The following CLMP variants were observed in gnomAD, a reference collection of about 807,000 sequenced individuals.
CLMP encodes the protein CXADR-like membrane protein.
In CLMP, 27 loss-of-function variants were observed where a neutral mutation model predicts 45.2. That is an observed-to-expected ratio of 0.60 (90% confidence interval 0.44 to 0.82). CLMP has a LOEUF of 0.82. CLMP is among the 40% of genes least tolerant of loss of function. The probability of loss-of-function intolerance (pLI) is 0.00; values close to 1 mark genes in which losing one functional copy is unlikely to be tolerated. For synonymous variants in CLMP, 167 were observed against 171.4 expected (o/e 0.97, Z 0.20); for missense variants, 403 against 448.4 (o/e 0.90, Z 0.91).
intron 1 of CLMP, among the ~76,000 whole-genome samples, chr11:123,177,329 GA>G (rs1396126126): frequency 6.6e-6 from 1 of 152,164 alleles, no homozygotes; most frequent in Admixed American, 6.5e-5. Flanking sequence ...GGAGGGTGGG[GA>G]GTGGACATTG....
At chr11:123,174,679 G>A (rs1393954661) in intron 1 of CLMP, among the ~76,000 whole-genome samples, 1 of 152,198 alleles carries the variant, frequency 6.6e-6, no homozygotes, top group Non-Finnish European at 1.5e-5. Context: ...CTTCTGTCTA[G>A]AGGTGGCAAC....
At chr11:123,150,863 C>T (rs1243038658) in intron 1 of CLMP, among the ~76,000 whole-genome samples, 1 of 152,150 alleles carries the variant, frequency 6.6e-6, no homozygotes, top group African/African-American at 2.4e-5. Context: ...ATTACAGGCA[C>T]ATGCCACCAC....
At chr11:123,087,779 C>A (rs1328485060) in intron 2 of CLMP, among the ~76,000 whole-genome samples, 2 of 151,998 alleles carry the variant, frequency 1.3e-5, no homozygotes, top group African/African-American at 4.8e-5. Context: ...CAAGATCATG[C>A]CACTGCACTC....
At chr11:123,098,003 G>C (rs1251507044) in intron 1 of CLMP, 51 bp from the exon 2 acceptor site, 7 of 1,390,916 alleles carry the variant, frequency 5.0e-6, no homozygotes, top group Non-Finnish European at 6.7e-6. Flanking sequence ...ATGGCAATGT[G>C]TGGGGAGCAA....
intron 1 of CLMP, among the ~76,000 whole-genome samples, chr11:123,121,271 G>A (rs1860813765): frequency 6.6e-6 from 1 of 151,940 alleles, no homozygotes; most frequent in African/African-American, 2.4e-5. Flanking sequence ...AATTACTCCA[G>A]AGAAAAATTC....
chr11:123,107,031 A>T (rs180892161), intron 1 of CLMP, among the ~76,000 whole-genome samples: 39,729 of 142,014 alleles, frequency 0.28, 5,909 homozygotes, highest in East Asian at 0.39. Flanking sequence ...AAAAAAAAAA[A>T]AATAATAATA....
intron 1 of CLMP, among the ~76,000 whole-genome samples, chr11:123,171,395 G>A (rs967426077): frequency 1.3e-5 from 2 of 151,418 alleles, no homozygotes; most frequent in African/African-American, 4.8e-5. Context: ...GAGAAGGGAG[G>A]GTATTTGGGA....
intron 2 of CLMP, among the ~76,000 whole-genome samples, chr11:123,087,279 A>G (rs1591452029): frequency 1.3e-5 from 2 of 151,390 alleles, no homozygotes; most frequent in South Asian, 2.1e-4. Flanking sequence ...GGAGGTTGCA[A>G]TGAGCCAAGA....
chr11:123,143,920 T>C (rs1243305476), intron 1 of CLMP, among the ~76,000 whole-genome samples: 1 of 152,056 alleles, frequency 6.6e-6, no homozygotes, highest in East Asian at 1.9e-4. Flanking sequence ...GCGATCCTCC[T>C]ACCTCAGCCT....
At chr11:123,096,384 C>T (rs1342232561) in intron 2 of CLMP, among the ~76,000 whole-genome samples, 2 of 151,766 alleles carry the variant, frequency 1.3e-5, no homozygotes, top group African/African-American at 4.8e-5. Flanking sequence ...ATCAGCCAGG[C>T]GTGGTGGTGC....
chr11:123,110,314 C>T (rs1013875208), intron 1 of CLMP, among the ~76,000 whole-genome samples: 7 of 151,906 alleles, frequency 4.6e-5, no homozygotes, highest in African/African-American at 9.7e-5. Context: ...ATTAGCCGGC[C>T]GTGTTGGCAG....
intron 3 of CLMP, 68 bp downstream of exon 3, chr11:123,084,444 C>G (rs1591450842): frequency 7.9e-7 from 1 of 1,263,130 alleles, no homozygotes; most frequent in African/African-American, 1.5e-5. Context: ...CACCGTGATG[C>G]ATATGGCTAT....
chr11:123,123,181 AC>A (rs1860841737), intron 1 of CLMP, among the ~76,000 whole-genome samples: 1 of 149,032 alleles, frequency 6.7e-6, no homozygotes, highest in Admixed American at 6.7e-5. Context: ...CCCAGCTGTG[AC>A]CCTTCCAGGC....
chr11:123,082,932 A>T, intron 5 of CLMP, 153 bp downstream of exon 5: 1 of 880,044 alleles, frequency 1.1e-6, no homozygotes, highest in East Asian at 2.7e-5. Context: ...GGTCTTTGCA[A>T]CTACTGAATT....
chr11:123,077,127 T>C (rs968860182), intron 5 of CLMP, among the ~76,000 whole-genome samples: 1 of 150,540 alleles, frequency 6.6e-6, no homozygotes, highest in African/African-American at 2.5e-5. Context: ...GTTTCCTAAG[T>C]AGCTGGGATT....
chr11:123,150,508 G>GC lies in CLMP; in HGVS notation c.28+44404_28+44405insG, dbSNP rs1555084579. ...GGAAGGAAGGAAGGAAGGAAGGAAG[G>GC]AAGGAAGGAAGGAAGGAAGGAAAGA... On this transcript the variant is annotated intron_variant, in intron 1 of 6. Transcript: ENST00000448775. Among the ~76,000 whole-genome samples the GC allele has an allele frequency of 3.4e-4, 42 of 123,272 alleles. 2 individuals are homozygous for GC. The South Asian group carries it at 7.7e-3, about 23-fold the overall frequency. The allele number at this position is 123,272 out of a possible 152,430, so 80.9% of individuals were successfully genotyped here.
At chr11:123,142,984 T>C (rs1861186921) in intron 1 of CLMP, among the ~76,000 whole-genome samples, 1 of 152,188 alleles carries the variant, frequency 6.6e-6, no homozygotes, top group Non-Finnish European at 1.5e-5. Context: ...GATTTCTTCT[T>C]GCCAGGCCAA....
intron 1 of CLMP, among the ~76,000 whole-genome samples, chr11:123,105,973 C>T (rs1266784067): frequency 5.3e-5 from 8 of 151,934 alleles, no homozygotes; most frequent in African/African-American, 1.9e-4. Flanking sequence ...CACGCCACCA[C>T]GCCTGGCTAA....
intron 1 of CLMP, among the ~76,000 whole-genome samples, chr11:123,141,395 A>G (rs1415855171): frequency 6.6e-6 from 1 of 151,988 alleles, no homozygotes; most frequent in Non-Finnish European, 1.5e-5. Context: ...CGTGTTACCA[A>G]GGATGGTCTC....
Sources: gnomAD v4.1 joint callset for allele counts (sites outside exome capture counted in the v4.1 genomes callset) on GRCh38, gnomAD v4.1.1 for gene constraint, MANE v1.5 for transcripts, NCBI Gene and HGNC (gene_info 2026-07-23, HGNC 2026-07-21) for gene names.